SPAG16: variants seen among roughly 807,000 people sequenced by gnomAD.
The protein encoded by SPAG16 is sperm associated antigen 16, also known as sperm-associated antigen 16 protein.
In SPAG16, 86 loss-of-function variants were observed where a neutral mutation model predicts 80.4. The ratio of observed to expected loss-of-function variants is 1.07; its 90% confidence interval spans 0.90 to 1.28. The LOEUF (loss-of-function observed/expected upper bound fraction) is 1.28, where lower values mean the gene tolerates loss of function less well. Among genes scored for constraint, SPAG16 ranks in the 50% most tolerant of loss-of-function variants. The pLI, the probability that SPAG16 is intolerant of heterozygous loss-of-function variation, is 0.00. For missense variants in SPAG16, 870 were observed against 765.3 expected (o/e 1.14, Z -1.61); for synonymous variants, 294 against 265.9 (o/e 1.11, Z -1.03).
At position 213,776,649 on chromosome 2, in the gene SPAG16, C is replaced by T. The variant is rs535472309; in HGVS notation, c.1071-85836C>T. Among the ~76,000 whole-genome samples the T allele has an allele frequency of 2.7e-3, 414 of 151,700 alleles. 2 individuals carry two copies. Among genetic ancestry groups the T allele is most frequent in the Non-Finnish European group, 3.6e-3 (247 of 67,880 alleles). ...TTTTAAAAAGTTTTTTTTTCTTATT[C>T]TCCCATGTTTAGTTCGCTAGGTTAG... On this transcript the variant is annotated intron_variant, in intron 10 of 15. Coordinates refer to ENST00000331683, the MANE Select transcript of SPAG16 (RefSeq NM_024532.5).
intron 15 of SPAG16, among the ~76,000 whole-genome samples, chr2:214,175,782 A>G (rs1472057870): frequency 6.6e-6 from 1 of 151,580 alleles, no homozygotes; most frequent in Non-Finnish European, 1.5e-5. Flanking sequence ...AAATCATTAT[A>G]ATCAGTATAA....
intron 15 of SPAG16, among the ~76,000 whole-genome samples, chr2:214,222,778 C>T (rs2058611560): frequency 6.6e-6 from 1 of 152,174 alleles, no homozygotes; most frequent in Admixed American, 6.6e-5. Flanking sequence ...TTCTATCCCA[C>T]TGCACTTTAA....
At chr2:213,476,031 C>T (rs1235992508) in intron 9 of SPAG16, among the ~76,000 whole-genome samples, 1 of 152,176 alleles carries the variant, frequency 6.6e-6, no homozygotes, top group Non-Finnish European at 1.5e-5. Flanking sequence ...GGAAAGAAAA[C>T]TCTCTTAATT....
chr2:213,994,772 A>G (rs1419227427), intron 12 of SPAG16, among the ~76,000 whole-genome samples: 1 of 152,146 alleles, frequency 6.6e-6, no homozygotes, highest in Non-Finnish European at 1.5e-5. Flanking sequence ...CCTTAAATGT[A>G]TCAATGGAGC....
At chr2:214,257,050 G>A (rs1261702980) in intron 15 of SPAG16, among the ~76,000 whole-genome samples, 2 of 151,854 alleles carry the variant, frequency 1.3e-5, no homozygotes, top group Non-Finnish European at 2.9e-5. Context: ...TGAATCTCAT[G>A]ACTTATTTAG....
intron 15 of SPAG16, among the ~76,000 whole-genome samples, chr2:214,206,586 G>A (rs890585071): frequency 5.3e-5 from 8 of 152,148 alleles, no homozygotes; most frequent in African/African-American, 1.9e-4. Flanking sequence ...AAACATGGGA[G>A]TACAGTCGTC....
At chr2:213,416,749 G>A (rs1251134471) in intron 9 of SPAG16, among the ~76,000 whole-genome samples, 1 of 152,130 alleles carries the variant, frequency 6.6e-6, no homozygotes, top group Non-Finnish European at 1.5e-5. Context: ...AGCCACAAGA[G>A]GAGACAGAAG....
At chr2:213,649,011 A>C (rs1278932341) in intron 10 of SPAG16, among the ~76,000 whole-genome samples, 4 of 152,190 alleles carry the variant, frequency 2.6e-5, no homozygotes, top group Admixed American at 2.6e-4. Context: ...TAATTGATAC[A>C]TGTATGTGTT....
At chr2:214,192,725 A>G (rs901998283) in intron 15 of SPAG16, among the ~76,000 whole-genome samples, 3 of 152,058 alleles carry the variant, frequency 2.0e-5, no homozygotes, top group African/African-American at 7.2e-5. Context: ...CATACACTGT[A>G]TCTTCTGGTT....
intron 10 of SPAG16, among the ~76,000 whole-genome samples, chr2:213,514,724 TC>T (rs1254615500): frequency 3.3e-5 from 5 of 151,518 alleles, no homozygotes; most frequent in African/African-American, 1.2e-4. Context: ...CTTTTAAAAT[TC>T]TCAGAAATCT....
chr2:213,631,516 G>A (rs1037303606), intron 10 of SPAG16, among the ~76,000 whole-genome samples: 4 of 152,174 alleles, frequency 2.6e-5, no homozygotes, highest in African/African-American at 9.7e-5. Context: ...CTCGTGGGAA[G>A]TGATTGAATC....
chr2:213,980,725 T>TATATATATATATATATAGAGAG (rs374274176), intron 12 of SPAG16, among the ~76,000 whole-genome samples: 78 of 103,946 alleles, frequency 7.5e-4, no homozygotes, highest in South Asian at 1.1e-3. Flanking sequence ...TATATATATA[T>TATATATATATATATATAGAGAG]AGAGAGAGAG....
At chr2:213,407,596 G>GGAGAGAGA (rs66674310) in intron 9 of SPAG16, among the ~76,000 whole-genome samples, 46 of 102,106 alleles carry the variant, frequency 4.5e-4, no homozygotes, top group African/African-American at 9.8e-4. Context: ...GAGAGAGACA[G>GGAGAGAGA]GAGAGAGAGA....
intron 10 of SPAG16, among the ~76,000 whole-genome samples, chr2:213,686,761 A>G (rs2064701146): frequency 7.7e-6 from 1 of 129,820 alleles, no homozygotes; most frequent in African/African-American, 3.0e-5. Context: ...GTCTCGGCTC[A>G]CTGCAACCTC....
chr2:213,601,054 T>G (rs2061043199), intron 10 of SPAG16, among the ~76,000 whole-genome samples: 1 of 152,080 alleles, frequency 6.6e-6, no homozygotes, highest in Non-Finnish European at 1.5e-5. Flanking sequence ...GAGTAAATGA[T>G]TGTAGGGAAA....
At chr2:213,357,551 T>C (rs1231649654) in intron 7 of SPAG16, among the ~76,000 whole-genome samples, 1 of 152,166 alleles carries the variant, frequency 6.6e-6, no homozygotes, top group Non-Finnish European at 1.5e-5. Context: ...GGTTTTAAAG[T>C]CGTTTTATCA....
At chr2:213,804,916 T>G (rs921297040) in intron 10 of SPAG16, among the ~76,000 whole-genome samples, 4 of 152,136 alleles carry the variant, frequency 2.6e-5, no homozygotes, top group Admixed American at 6.5e-5. Flanking sequence ...AAGCGTTATC[T>G]TCATCCTCAG....
chr2:214,304,150 A>T (rs1694754724), intron 15 of SPAG16, among the ~76,000 whole-genome samples: 1 of 152,068 alleles, frequency 6.6e-6, no homozygotes, highest in Non-Finnish European at 1.5e-5. Flanking sequence ...AAAGATAATG[A>T]CCTCCAGCTT....
At chr2:214,125,625 A>G (rs1188728970) in intron 14 of SPAG16, among the ~76,000 whole-genome samples, 1 of 151,726 alleles carries the variant, frequency 6.6e-6, no homozygotes, top group Non-Finnish European at 1.5e-5. Context: ...ATATAGCTCC[A>G]CCCTGTAATC....
Sources: allele counts gnomAD v4.1 joint callset (sites outside exome capture counted in the v4.1 genomes callset), GRCh38; gene constraint gnomAD v4.1.1; transcripts MANE v1.5; gene names NCBI Gene and HGNC (gene_info 2026-07-23, HGNC 2026-07-21).